Variants in ZFR2 observed in about 807,000 individuals in gnomAD.
ZFR2 encodes the protein zinc finger RNA-binding protein 2.
A neutral mutation model predicts 105.7 loss-of-function variants in ZFR2; 104 were observed. The ratio of observed to expected loss-of-function variants is 0.98; its 90% CI spans 0.84 to 1.16. The LOEUF (loss-of-function observed/expected upper bound fraction) is 1.16, where lower values mean the gene tolerates loss of function less well. Ranked by LOEUF, ZFR2 falls within the 50% of genes most tolerant of loss-of-function variation. The pLI is 0.00. For synonymous variants in ZFR2, 634 were observed against 597.7 expected (o/e 1.06, Z -0.89); for missense variants, 1,425 against 1,355.5 (o/e 1.05, Z -0.80).
At chr19:3,810,514 A>T (rs1302830335) in intron 16 of ZFR2, among the ~76,000 whole-genome samples, 2 of 152,210 alleles carry the variant, frequency 1.3e-5, no homozygotes, top group African/African-American at 4.8e-5. Context: ...TTCCCTGGCC[A>T]GTCCCACATT....
intron 1 of ZFR2, among the ~76,000 whole-genome samples, chr19:3,837,437 C>A (rs2038087701): frequency 6.6e-6 from 1 of 151,888 alleles, no homozygotes; most frequent in South Asian, 2.1e-4. Flanking sequence ...AACACCATGA[C>A]TGTGGAACTT....
In ZFR2 at chr19:3,817,251, G is replaced by A. The variant is rs375475478; in HGVS notation, c.1932-406C>T. Among the ~76,000 whole-genome samples the A allele has an allele frequency of 1.1e-4, 17 of 152,056 alleles. No individual in the cohort carries two copies. The South Asian group carries it at 1.9e-3, about 17-fold the overall frequency. On this transcript the variant is annotated intron_variant, in intron 12 of 18. Coordinates refer to ENST00000262961, the MANE Select transcript of ZFR2 (RefSeq NM_015174.2). ...AGGCTGCTTTCTGCTCTTGCTTCAC[G>A]GGGGTTAAGAAAATTCACAAACCTA...
Position 3,806,121 on chromosome 19 carries a change from G to A in ZFR2, c.2648C>T (p.Ala883Val). 4 of 1,448,024 alleles carry A rather than the reference G, an allele frequency of 2.8e-6. No individual in the cohort carries two copies. Among genetic ancestry groups the A allele is most frequent in the Middle Eastern group, 1.8e-4 (1 of 5,528 alleles). The allele number at this position is 1,448,024 out of a possible 1,614,324, so 89.7% of individuals were successfully genotyped here. ...CTGCCGGAAGGCCAGCATTCGCAGG[G>A]CGTGCTGCGGGGCACACACAGCCTG... is the stretch of plus-strand genomic sequence containing the variant. The part of the protein sequence containing the change: ...REDVTASAQH[A>V]LRMLAFRQTH... Residue 883 changes from alanine (A) to valine (V), a missense_variant, in exon 19 of 19, where the codon GCC (alanine) becomes GTC (valine). Coordinates refer to ENST00000262961, the MANE Select transcript of ZFR2 (RefSeq NM_015174.2).
At chr19:3,807,825 T>A (rs2037716303) in intron 17 of ZFR2, among the ~76,000 whole-genome samples, 1 of 148,924 alleles carries the variant, frequency 6.7e-6, no homozygotes, top group African/African-American at 2.5e-5. Flanking sequence ...TGTGCCTGTA[T>A]GTGCACTCAT....
In ZFR2 at chr19:3,811,377, A is replaced by G; in HGVS notation, c.2243-11T>C. ...GAGGCTCCTCCACACCTTCTAGAAG[A>G]AAAACCTCGAGGTGTGCGGGGAAGG... is the stretch of plus-strand genomic sequence containing the variant. On this transcript the variant is annotated splice_polypyrimidine_tract_variant and intron_variant, in intron 14 of 18. Transcript: ENST00000262961. The G allele has an allele frequency of 9.5e-6, 15 of 1,571,710 alleles. No individual in the cohort carries two copies. The highest frequency in any genetic ancestry group is 1.3e-5 in the Non-Finnish European group (15 of 1,160,172).
At chr19:3,845,008 A>C (rs2038172668) in intron 1 of ZFR2, among the ~76,000 whole-genome samples, 1 of 64,780 alleles carries the variant, frequency 1.5e-5, no homozygotes, top group South Asian at 3.6e-4. Flanking sequence ...AGCAACACAG[A>C]CTTATTTATT....
At chr19:3,867,304 T>TC (rs1555762876) in intron 1 of ZFR2, among the ~76,000 whole-genome samples, 1 of 149,656 alleles carries the variant, frequency 6.7e-6, no homozygotes, top group Admixed American at 6.6e-5. Flanking sequence ...GATCAACTGT[T>TC]GGGGGGGGAA....
At position 3,819,144 on chromosome 19, in the gene ZFR2, T is replaced by C. The variant is rs770733255; in HGVS notation, c.1832A>G (p.Gln611Arg). ...CCGCTCTGCGTGGGACACGGCCCTCTGCACGGCCAGGAGCTCCTGCTCCGT... is the reference window on the plus strand; with the variant it reads ...CCGCTCTGCGTGGGACACGGCCCTCCGCACGGCCAGGAGCTCCTGCTCCGT... The part of the protein sequence containing the change: ...YPTEQELLAV[Q>R]RAVSHAERAL... Residue 611 changes from glutamine (Q) to arginine (R), a missense_variant, in exon 12 of 19, where the codon CAG becomes CGG. Gln to Arg is a conservative substitution (Grantham distance 43, BLOSUM62 1). Transcript: ENST00000262961. The C allele has an allele frequency of 6.2e-7, 1 of 1,608,978 alleles. No individual in the cohort carries two copies. The highest frequency in any genetic ancestry group is 2.2e-5 in the East Asian group (1 of 44,864).
At chr19:3,845,760 A>G (rs1219087626) in intron 1 of ZFR2, among the ~76,000 whole-genome samples, 1 of 152,032 alleles carries the variant, frequency 6.6e-6, no homozygotes, top group Non-Finnish European at 1.5e-5. Flanking sequence ...ACACCACTGC[A>G]CTCCAGCCTG....
At chr19:3,865,822 C>A (rs2038420794) in intron 1 of ZFR2, among the ~76,000 whole-genome samples, 1 of 152,006 alleles carries the variant, frequency 6.6e-6, no homozygotes, top group African/African-American at 2.4e-5. Context: ...TTTCTCATGG[C>A]AGGTTATATA....
chr19:3,866,703 A>G (rs898815642), intron 1 of ZFR2, among the ~76,000 whole-genome samples: 5 of 152,236 alleles, frequency 3.3e-5, no homozygotes, highest in African/African-American at 1.2e-4. Flanking sequence ...AAAAGAAGGA[A>G]GAGCTAGCAG....
At chr19:3,868,910 C>T (rs2038466938) in intron 1 of ZFR2, 55 bp downstream of exon 1, 2 of 1,236,458 alleles carry the variant, frequency 1.6e-6, no homozygotes, top group Non-Finnish European at 1.0e-6. Context: ...AGGCGGGGTC[C>T]CGGCCAGGCT....
intron 1 of ZFR2, among the ~76,000 whole-genome samples, chr19:3,839,425 C>CA (rs1324481089): frequency 6.6e-6 from 1 of 151,280 alleles, no homozygotes; most frequent in Non-Finnish European, 1.5e-5. Context: ...CCCAGCTACT[C>CA]AGGAGGCTGA....
chr19:3,825,214 A>G lies in ZFR2; in HGVS notation c.1213+16T>C. On this transcript the variant is annotated intron_variant, in intron 7 of 18. Coordinates refer to ENST00000262961, the MANE Select transcript of ZFR2 (RefSeq NM_015174.2). ...GGCTCTGGTGGGTACACGAACACGCATACAGACACACGTACCCTCGCATAA... is the reference window on the plus strand; with the variant it reads ...GGCTCTGGTGGGTACACGAACACGCGTACAGACACACGTACCCTCGCATAA... 1 of 1,503,304 alleles carries G rather than the reference A, an allele frequency of 6.7e-7. No individual in the cohort carries two copies. The highest frequency in any genetic ancestry group is 1.4e-5 in the African/African-American group (1 of 69,364). The allele number at this position is 1,503,304 out of a possible 1,614,324, so 93.1% of individuals were successfully genotyped here.
intron 18 of ZFR2, 45 bp downstream of exon 18, chr19:3,807,127 A>G: frequency 7.0e-7 from 1 of 1,421,240 alleles, no homozygotes; most frequent in Non-Finnish European, 9.7e-7. Context: ...TGCAAGCCGG[A>G]GCTGGGGCCT....
intron 5 of ZFR2, among the ~76,000 whole-genome samples, chr19:3,828,541 T>C (rs2037977955): frequency 1.3e-5 from 2 of 152,076 alleles, no homozygotes; most frequent in African/African-American, 4.8e-5. Flanking sequence ...TACACTTCCA[T>C]CTTAGGAAAC....
chr19:3,863,190 A>G (rs536239414), intron 1 of ZFR2, among the ~76,000 whole-genome samples: 1 of 152,268 alleles, frequency 6.6e-6, no homozygotes, highest in East Asian at 1.9e-4. Flanking sequence ...GTCGGTTCTG[A>G]AGCCGGTTGC....
chr19:3,823,185 C>A lies in ZFR2; in HGVS notation c.1371+61G>T. On this transcript the variant is annotated intron_variant, in intron 8 of 18. Transcript: ENST00000262961. This position sits in a 1 kb window ranked among gnomAD's most constrained non-coding sequence, Gnocchi z 5.4. Reference sequence around the variant, plus strand: ...GGAGAAGCCGGGTGAGGTCTCGAAGCCTGATCCATGGGAAGGTCCTTCCCT... The same window carrying A: ...GGAGAAGCCGGGTGAGGTCTCGAAGACTGATCCATGGGAAGGTCCTTCCCT... The A allele has an allele frequency of 6.2e-7, 1 of 1,610,128 alleles. No homozygotes were observed. Among genetic ancestry groups the A allele is most frequent in the Non-Finnish European group, 8.5e-7 (1 of 1,178,286 alleles).
chr19:3,827,351 C>G, intron 6 of ZFR2, 120 bp downstream of exon 6: 1 of 1,269,330 alleles, frequency 7.9e-7, no homozygotes, highest in Non-Finnish European at 1.0e-6. Context: ...GGGGCGCGCT[C>G]CACTTGGGGA....
Sources: gnomAD v4.1 joint callset for allele counts (sites outside exome capture counted in the v4.1 genomes callset) on GRCh38, gnomAD v4.1.1 for gene constraint, Gnocchi (gnomAD v3.1) non-coding constraint, MANE v1.5 for transcripts, NCBI Gene and HGNC (gene_info 2026-07-23, HGNC 2026-07-21) for gene names.